Variants in INPP4A observed in about 807,000 individuals in gnomAD.
INPP4A encodes inositol polyphosphate-4-phosphatase type I A, also known as inositol polyphosphate-4-phosphatase, type I, 107kD.
A neutral mutation model predicts 119.8 loss-of-function variants in INPP4A; 33 were observed. The observed-to-expected ratio is 0.28, with a 90% CI of 0.21 to 0.37. The LOEUF is 0.37. Ranked by LOEUF, INPP4A falls within the 10% of genes least tolerant of loss-of-function variation. INPP4A has a pLI of 1.00. For missense variants in INPP4A, 956 were observed against 1,289.9 expected (o/e 0.74, Z 3.97); for synonymous variants, 496 against 500.7 (o/e 0.99, Z 0.12).
intron 7 of INPP4A, among the ~76,000 whole-genome samples, chr2:98,537,647 C>G (rs1303209888): frequency 6.6e-6 from 1 of 152,184 alleles, no homozygotes. Context: ...TGGTGCGTGT[C>G]CGTTCAGACA....
chr2:98,506,607 T>C (rs960300061), intron 1 of INPP4A, among the ~76,000 whole-genome samples: 1 of 152,222 alleles, frequency 6.6e-6, no homozygotes, highest in Non-Finnish European at 1.5e-5. Flanking sequence ...CACCTTGGCC[T>C]GAGAAGTTCT....
At chr2:98,514,488 C>G (rs1442395789) in intron 1 of INPP4A, among the ~76,000 whole-genome samples, 2 of 152,058 alleles carry the variant, frequency 1.3e-5, no homozygotes, top group Non-Finnish European at 2.9e-5. Context: ...GTAACCAATC[C>G]CATGATTAGA....
intron 1 of INPP4A, among the ~76,000 whole-genome samples, chr2:98,510,761 G>T (rs1342906434): frequency 4.6e-5 from 7 of 152,202 alleles, no homozygotes; most frequent in Admixed American, 2.0e-4. Context: ...CACAGTGACT[G>T]ACTCCCTCCA....
At chr2:98,544,073 T>A in intron 11 of INPP4A, 66 bp downstream of exon 11, 1 of 1,380,030 alleles carries the variant, frequency 7.2e-7, no homozygotes, top group Non-Finnish European at 9.9e-7. Flanking sequence ...ACTCTCACTC[T>A]CACTCAGTCA....
intron 5 of INPP4A, among the ~76,000 whole-genome samples, chr2:98,533,830 A>G (rs1299844758): frequency 2.6e-5 from 4 of 152,238 alleles, no homozygotes; most frequent in Non-Finnish European, 5.9e-5. Flanking sequence ...GGTGCTCATT[A>G]ATCAAAGCTT....
chr2:98,544,045 GCACACA>G (rs3217304), intron 11 of INPP4A, 38 bp downstream of exon 11: 66 of 1,440,804 alleles, frequency 4.6e-5, no homozygotes, highest in Middle Eastern at 1.8e-4. Context: ...ACACGCGTGC[GCACACA>G]CACACACACA....
chr2:98,493,570 A>AT (rs953498033), intron 1 of INPP4A, among the ~76,000 whole-genome samples: 5 of 150,490 alleles, frequency 3.3e-5, no homozygotes, highest in Admixed American at 6.7e-5. Context: ...TAATTTTTGT[A>AT]TTTTTTTGTA....
chr2:98,460,675 C>T (rs539180198), intron 1 of INPP4A, among the ~76,000 whole-genome samples: 1 of 152,292 alleles, frequency 6.6e-6, no homozygotes, highest in South Asian at 2.1e-4. Context: ...TCCTTGTCTC[C>T]GCTCTGTGTT....
At chr2:98,563,933 G>GTTTT (rs60347668) in intron 18 of INPP4A, among the ~76,000 whole-genome samples, 4 of 125,490 alleles carry the variant, frequency 3.2e-5, no homozygotes, top group Non-Finnish European at 6.8e-5. Context: ...TCTTTGCTGC[G>GTTTT]TTTTTTTTTT....
At chr2:98,549,021 A>G in intron 13 of INPP4A, 2 of 1,583,538 alleles carry the variant, frequency 1.3e-6, no homozygotes, top group Non-Finnish European at 8.6e-7. Context: ...GTCCTCATGC[A>G]GAGAAAGCTT....
intron 24 of INPP4A, among the ~76,000 whole-genome samples, chr2:98,586,963 C>T (rs981246761): frequency 1.3e-5 from 2 of 152,232 alleles, no homozygotes; most frequent in East Asian, 3.8e-4. Context: ...ACCAGAACGC[C>T]TTCCTAGCCA....
intron 4 of INPP4A, among the ~76,000 whole-genome samples, chr2:98,531,663 G>GA (rs1228520668): frequency 2.6e-5 from 4 of 152,050 alleles, no homozygotes; most frequent in Admixed American, 6.5e-5. Context: ...CTTCATAACA[G>GA]AAAAAACAGA....
intron 19 of INPP4A, among the ~76,000 whole-genome samples, chr2:98,565,413 G>C (rs923796237): frequency 5.3e-5 from 8 of 152,166 alleles, no homozygotes; most frequent in African/African-American, 1.7e-4. Context: ...GGGATGGCGC[G>C]TGTTTCCACC....
chr2:98,462,058 C>CA (rs1697262112), intron 1 of INPP4A, among the ~76,000 whole-genome samples: 1 of 152,176 alleles, frequency 6.6e-6, no homozygotes, highest in Admixed American at 6.5e-5. Context: ...AAGCTTCTGC[C>CA]CGTTTATTTC....
chr2:98,564,842 T>C, intron 19 of INPP4A, 79 bp downstream of exon 19: 3 of 1,445,794 alleles, frequency 2.1e-6, no homozygotes, highest in Non-Finnish European at 2.8e-6. Context: ...CTTTTCTCAC[T>C]ATACCAGTAA....
intron 24 of INPP4A, among the ~76,000 whole-genome samples, chr2:98,585,997 A>G (rs1699908967): frequency 6.6e-6 from 1 of 152,246 alleles, no homozygotes; most frequent in South Asian, 2.1e-4. Context: ...AAAGGAGATT[A>G]ACTGTGTATA....
chr2:98,537,673 C>T (rs1472377449), intron 7 of INPP4A, among the ~76,000 whole-genome samples, 190 bp from the exon 8 acceptor site: 1 of 152,280 alleles, frequency 6.6e-6, no homozygotes, highest in South Asian at 2.1e-4. Context: ...CTCCACTGTG[C>T]CCCATGGTTT....
In INPP4A at chr2:98,554,172, G is replaced by A; in HGVS notation, c.1348-99G>A. ...CTGTGGAGAAAGGCAGAGGGGTGCA[G>A]TGCTGGGCTTTAAGCCCATTCTCCA... On this transcript the variant is annotated intron_variant, in intron 14 of 24. Transcript: ENST00000409851. The surrounding 1 kb of genome is among the most constrained non-coding windows in gnomAD (Gnocchi z 4.7). The A allele has an allele frequency of 2.3e-6, 2 of 874,808 alleles. No individual in the cohort carries two copies. The highest frequency in any genetic ancestry group is 1.8e-6 in the Non-Finnish European group (1 of 564,210). The allele number at this position is 874,808 out of a possible 1,614,324, so 54.2% of individuals were successfully genotyped here.
intron 1 of INPP4A, among the ~76,000 whole-genome samples, chr2:98,479,621 T>C (rs1049546735): frequency 6.6e-6 from 1 of 152,140 alleles, no homozygotes; most frequent in Non-Finnish European, 1.5e-5. Context: ...ACACAGAAAG[T>C]GTGGTCAGGT....
Sources: allele counts gnomAD v4.1 joint callset (sites outside exome capture counted in the v4.1 genomes callset), GRCh38; gene constraint gnomAD v4.1.1; non-coding constraint Gnocchi (gnomAD v3.1); transcripts MANE v1.5; gene names NCBI Gene and HGNC (gene_info 2026-07-23, HGNC 2026-07-21).